Variants in RYR2 observed in about 807,000 individuals in gnomAD.
RYR2 encodes the protein ryanodine receptor 2, also known as cardiac muscle ryanodine receptor-calcium release channel.
RYR2 carries 227 observed loss-of-function variants against 601.1 expected under a neutral mutation model. That is an observed-to-expected ratio of 0.38 (90% CI 0.34 to 0.42). The LOEUF (loss-of-function observed/expected upper bound fraction) is 0.42. Ranked by LOEUF, RYR2 falls within the 10% of genes least tolerant of loss-of-function variation. RYR2 has a pLI of 1.00. For synonymous variants in RYR2, 2,223 were observed against 2,175.1 expected, an observed-to-expected ratio of 1.02 and a Z score of -0.61; for missense variants, 4,646 against 6,156.5, an observed-to-expected ratio of 0.75 and a Z score of 8.21.
intron 1 of RYR2, among the ~76,000 whole-genome samples, chr1:237,251,193 T>A (rs1687430014): frequency 1.3e-5 from 2 of 152,196 alleles, no homozygotes; most frequent in Admixed American, 1.3e-4. Context: ...AGATATTTAC[T>A]TTTTTGACTC....
chr1:237,249,311 C>T (rs746161637), intron 1 of RYR2, among the ~76,000 whole-genome samples: 2 of 152,294 alleles, frequency 1.3e-5, no homozygotes, highest in South Asian at 2.1e-4. Context: ...ATGAGTCATA[C>T]TGACCCAGTA....
intron 37 of RYR2, among the ~76,000 whole-genome samples, chr1:237,616,181 GA>G (rs1426804547): frequency 6.6e-6 from 1 of 152,184 alleles, no homozygotes; most frequent in Non-Finnish European, 1.5e-5. Context: ...AGACAGCACT[GA>G]TAGAAATGGT....
chr1:237,492,824 A>AAAGGAAAG, intron 18 of RYR2, 130 bp from the exon 19 acceptor site: 1 of 772,362 alleles, frequency 1.3e-6, no homozygotes, highest in Non-Finnish European at 1.9e-6. Flanking sequence ...ATGCTGTCTG[A>AAAGGAAAG]AAGGAAGGAA....
At chr1:237,756,441 G>A in intron 81 of RYR2, 54 bp downstream of exon 81, 1 of 1,175,696 alleles carries the variant, frequency 8.5e-7, no homozygotes, top group Non-Finnish European at 1.2e-6. Context: ...TTTCCTCGTT[G>A]CTCTCAAGGT....
intron 2 of RYR2, among the ~76,000 whole-genome samples, chr1:237,273,619 G>A (rs192057055): frequency 3.9e-5 from 6 of 152,220 alleles, no homozygotes; most frequent in Non-Finnish European, 7.4e-5. Context: ...ACCAAAAATG[G>A]GAGAGTGGGT....
chr1:237,560,683 T>G (rs1047091731), intron 27 of RYR2, among the ~76,000 whole-genome samples: 6 of 152,256 alleles, frequency 3.9e-5, no homozygotes, highest in African/African-American at 1.4e-4. Flanking sequence ...TTTCCAGAGC[T>G]ATGAAAAATT....
chr1:237,043,760 A>G (rs1464643734), intron 1 of RYR2, among the ~76,000 whole-genome samples: 1 of 151,890 alleles, frequency 6.6e-6, no homozygotes, highest in African/African-American at 2.4e-5. Context: ...ACAAAACAAA[A>G]CAAACAAACA....
chr1:237,678,829 T>C (rs568768344), intron 61 of RYR2, among the ~76,000 whole-genome samples: 9 of 152,344 alleles, frequency 5.9e-5, no homozygotes, highest in African/African-American at 2.2e-4. Context: ...CTTTCTTGTT[T>C]AGGACACCTT....
chr1:237,048,000 T>C (rs1660796072), intron 1 of RYR2, among the ~76,000 whole-genome samples: 1 of 152,214 alleles, frequency 6.6e-6, no homozygotes, highest in African/African-American at 2.4e-5. Context: ...AAACCCACCG[T>C]AGATTCGACA....
intron 1 of RYR2, among the ~76,000 whole-genome samples, chr1:237,104,124 C>G (rs1258171198): frequency 6.6e-6 from 1 of 152,136 alleles, no homozygotes; most frequent in Non-Finnish European, 1.5e-5. Context: ...CTCGCCCATC[C>G]ATCTCCCACC....
At chr1:237,129,658 TATATATAGTATG>T (rs1298303343) in intron 1 of RYR2, among the ~76,000 whole-genome samples, 2 of 149,832 alleles carry the variant, frequency 1.3e-5, no homozygotes, top group Non-Finnish European at 3.0e-5. Flanking sequence ...ATATATATAA[TATATATAGTATG>T]ATATATAGTA....
At chr1:237,814,951 CTTTT>C (rs1661629733) in intron 100 of RYR2, among the ~76,000 whole-genome samples, 1 of 137,742 alleles carries the variant, frequency 7.3e-6, no homozygotes, top group Non-Finnish European at 1.5e-5. Context: ...TAATCTGCTC[CTTTT>C]TTCTTTTTTC....
At chr1:237,473,648 C>T (rs1490145837) in intron 17 of RYR2, among the ~76,000 whole-genome samples, 5 of 151,966 alleles carry the variant, frequency 3.3e-5, no homozygotes, top group East Asian at 1.9e-4. Flanking sequence ...TAGGAAGGAG[C>T]GGGGCAGTCA....
chr1:237,437,303 C>T (rs1040419302), intron 12 of RYR2, among the ~76,000 whole-genome samples: 2 of 152,098 alleles, frequency 1.3e-5, no homozygotes, highest in African/African-American at 2.4e-5. Flanking sequence ...CCGCCCACCT[C>T]GGCCTCCTAA....
At chr1:237,491,244 T>C (rs372817562) in intron 17 of RYR2, among the ~76,000 whole-genome samples, 13 of 152,340 alleles carry the variant, frequency 8.5e-5, no homozygotes, top group Admixed American at 2.6e-4. Flanking sequence ...ATTTCTCTTA[T>C]TTAACAAACT....
chr1:237,670,430 C>T (rs1684830995), intron 58 of RYR2, among the ~76,000 whole-genome samples: 1 of 152,122 alleles, frequency 6.6e-6, no homozygotes, highest in Non-Finnish European at 1.5e-5. Flanking sequence ...TATTCTAAAA[C>T]CACCCCATAA....
Position 237,130,409 on chromosome 1 carries a change from TCCC to T in RYR2, c.48+87842_48+87844del, listed in dbSNP as rs1672034799. On this transcript the variant is annotated intron_variant, in intron 1 of 104. Transcript: ENST00000366574. ...AGCCTGGCTATTACAGGGCCTTATGTCCCCTTAAAAATCATCTCACTAGGTTGG... is the reference window on the plus strand; with the variant it reads ...AGCCTGGCTATTACAGGGCCTTATGTCTTAAAAATCATCTCACTAGGTTGG... Among the ~76,000 whole-genome samples, 5 of 152,204 alleles carry T rather than the reference TCCC, an allele frequency of 3.3e-5. No homozygotes were observed. In the South Asian group the frequency reaches 1.0e-3, roughly 32 times the overall value.
chr1:237,700,692 T>G (rs1217424228), intron 65 of RYR2, among the ~76,000 whole-genome samples: 2 of 152,212 alleles, frequency 1.3e-5, no homozygotes, highest in Non-Finnish European at 2.9e-5. Context: ...AGTAAGGTAC[T>G]GGTTATAGAA....
intron 1 of RYR2, among the ~76,000 whole-genome samples, chr1:237,208,968 A>ATG (rs1682188184): frequency 6.8e-5 from 6 of 88,766 alleles, no homozygotes; most frequent in African/African-American, 2.1e-4. Flanking sequence ...ATATATATAT[A>ATG]TATATATATA....
Sources: gnomAD v4.1 joint callset for allele counts (sites outside exome capture counted in the v4.1 genomes callset) on GRCh38, gnomAD v4.1.1 for gene constraint, MANE v1.5 for transcripts, NCBI Gene and HGNC (gene_info 2026-07-23, HGNC 2026-07-21) for gene names.